Variants in LRRC20 observed in about 807,000 individuals in gnomAD.
LRRC20 encodes leucine rich repeat containing 20.
In LRRC20, 11 loss-of-function variants were observed where a neutral mutation model predicts 14.4. That is an observed-to-expected ratio of 0.77 (90% CI 0.48 to 1.27). The LOEUF is 1.27. LRRC20 is among the 50% of genes most tolerant of loss of function. The probability of loss-of-function intolerance (pLI) is 0.00; values close to 1 mark genes in which losing one functional copy is unlikely to be tolerated. For missense variants in LRRC20, 219 were observed against 251.2 expected (o/e 0.87, Z 0.87); for synonymous variants, 121 against 107.3 (o/e 1.13, Z -0.79).
At chr10:70,361,063 AAG>A (rs1194240488) in intron 2 of LRRC20, among the ~76,000 whole-genome samples, 102 of 151,356 alleles carry the variant, frequency 6.7e-4, no homozygotes, top group African/African-American at 2.2e-3. Context: ...AAAAAAAAAA[AAG>A]AGAGAGAGAG....
intron 3 of LRRC20, among the ~76,000 whole-genome samples, chr10:70,326,557 G>A (rs1842330975): frequency 6.6e-6 from 1 of 152,178 alleles, no homozygotes; most frequent in Non-Finnish European, 1.5e-5. Flanking sequence ...AGGGACGTCG[G>A]AACCCAAGGT....
At chr10:70,306,102 GTCTCTCTCTC>G (rs55733521) in intron 4 of LRRC20, among the ~76,000 whole-genome samples, 5 of 144,626 alleles carry the variant, frequency 3.5e-5, no homozygotes, top group Non-Finnish European at 7.5e-5. Flanking sequence ...TGCATTTTCT[GTCTCTCTCTC>G]TCTCTCTCTC....
At chr10:70,347,805 C>T (rs1307101415) in intron 2 of LRRC20, among the ~76,000 whole-genome samples, 3 of 139,754 alleles carry the variant, frequency 2.1e-5, no homozygotes, top group East Asian at 4.1e-4. Context: ...GGCAACAGAG[C>T]GAGACTCCGT....
intron 2 of LRRC20, among the ~76,000 whole-genome samples, chr10:70,345,487 A>C (rs894300546): frequency 4.6e-5 from 7 of 152,188 alleles, no homozygotes; most frequent in Non-Finnish European, 8.8e-5. Context: ...AAAATATAAA[A>C]CACTTAGAAG....
intron 3 of LRRC20, among the ~76,000 whole-genome samples, chr10:70,324,399 C>G (rs1249801298): frequency 6.6e-6 from 1 of 152,208 alleles, no homozygotes; most frequent in African/African-American, 2.4e-5. Flanking sequence ...GGCGGCCTCT[C>G]CCCCTCGGGG....
At chr10:70,380,898 G>T (rs917967717) in intron 1 of LRRC20, among the ~76,000 whole-genome samples, 2 of 152,242 alleles carry the variant, frequency 1.3e-5, no homozygotes, top group Non-Finnish European at 2.9e-5. Flanking sequence ...GGATGAGCCT[G>T]ATAGTAGTAA....
chr10:70,300,306 C>T lies in LRRC20; in HGVS notation c.*1048G>A. 2.1e-6 allele frequency: 2 copies of T among 950,970 alleles called. No homozygotes were observed. The highest frequency in any genetic ancestry group is 2.5e-6 in the Non-Finnish European group (2 of 798,498). 58.9% of individuals were successfully genotyped at this position (950,970 alleles called of 1,614,324 possible). On this transcript the variant is annotated 3_prime_UTR_variant, in exon 5 of 5. Coordinates refer to ENST00000446961, the MANE Select transcript of LRRC20 (RefSeq NM_001278212.2). ...GTCCCAGTTTTAGCATTGAAAGTTCCATGTCCTGGGAAACCAGGACAGCTG... is the reference window on the plus strand; with the variant it reads ...GTCCCAGTTTTAGCATTGAAAGTTCTATGTCCTGGGAAACCAGGACAGCTG...
intron 2 of LRRC20, 144 bp from the exon 3 acceptor site, chr10:70,340,846 C>A (rs1042266046): frequency 4.8e-5 from 37 of 771,568 alleles, no homozygotes; most frequent in Non-Finnish European, 7.2e-5. Flanking sequence ...GGCTTCAGAC[C>A]CTGCCCTCCC....
chr10:70,302,753 C>T (rs1841257686), intron 4 of LRRC20, among the ~76,000 whole-genome samples: 1 of 151,366 alleles, frequency 6.6e-6, no homozygotes, highest in African/African-American at 2.4e-5. Flanking sequence ...CTCTGTCGCC[C>T]AGGCTGGAGT....
intron 4 of LRRC20, among the ~76,000 whole-genome samples, chr10:70,319,038 C>G (rs1467818733): frequency 6.6e-6 from 1 of 151,986 alleles, no homozygotes; most frequent in Admixed American, 6.6e-5. Context: ...AACTCCTGGG[C>G]TCAAGCAATT....
rs191248179 is a variant in LRRC20, at chr10:70,309,639, C to A, written c.401-8131G>T. 2.3e-3 allele frequency among the ~76,000 whole-genome samples: 348 copies of A among 152,346 alleles called. 13 individuals are homozygous for A. In the South Asian group the frequency reaches 0.059, roughly 26 times the overall value. ...AATGGTGGCTCAGAGCTGCTGTCAC[C>A]CCTTCTCCCCATCCGCTACTGAAGA... On this transcript the variant is annotated intron_variant, in intron 4 of 4. Transcript: ENST00000446961.
rs1186113626 is a variant in LRRC20 at position 70,301,281 on chromosome 10, T to C, written c.*73A>G. ...CCCAGCCCCCAGGCTTGGCCTCCCA[T>C]GGGCCTCCCTCCCTTCCAGGGTTCC... On this transcript the variant is annotated 3_prime_UTR_variant, in exon 5 of 5. Coordinates refer to ENST00000446961, the MANE Select transcript of LRRC20 (RefSeq NM_001278212.2). The C allele has an allele frequency of 4.1e-6, 6 of 1,463,048 alleles. No homozygotes were observed. The highest frequency in any genetic ancestry group is 5.5e-6 in the Non-Finnish European group (6 of 1,099,048). The allele number at this position is 1,463,048 out of a possible 1,614,324, so 90.6% of individuals were successfully genotyped here.
intron 2 of LRRC20, among the ~76,000 whole-genome samples, chr10:70,372,242 G>A (rs1487994226): frequency 6.6e-6 from 1 of 152,146 alleles, no homozygotes; most frequent in Non-Finnish European, 1.5e-5. Flanking sequence ...AATTTTAAGA[G>A]TAATACGTTC....
intron 3 of LRRC20, among the ~76,000 whole-genome samples, chr10:70,332,789 A>G (rs1348547320): frequency 6.6e-6 from 1 of 152,250 alleles, no homozygotes; most frequent in African/African-American, 2.4e-5. Flanking sequence ...TTATATTTAC[A>G]TAGGCATGGA....
intron 2 of LRRC20, among the ~76,000 whole-genome samples, chr10:70,369,124 C>A (rs1176981080): frequency 1.3e-5 from 2 of 152,306 alleles, no homozygotes; most frequent in Non-Finnish European, 2.9e-5. Flanking sequence ...GGTAGATGTT[C>A]ACCTCTGCTT....
intron 3 of LRRC20, among the ~76,000 whole-genome samples, chr10:70,337,857 C>T (rs928146501): frequency 3.3e-5 from 5 of 152,164 alleles, no homozygotes; most frequent in African/African-American, 9.7e-5. Flanking sequence ...GTCTGGGAGA[C>T]GCAGGTGTTC....
intron 4 of LRRC20, among the ~76,000 whole-genome samples, chr10:70,303,023 A>C (rs1469717861): frequency 7.4e-6 from 1 of 135,264 alleles, no homozygotes; most frequent in Non-Finnish European, 1.7e-5. Flanking sequence ...TATTTCTTAA[A>C]AGAAAAAAAA....
intron 4 of LRRC20, among the ~76,000 whole-genome samples, chr10:70,304,498 ATATATATATT>A (rs1204750314): frequency 2.7e-4 from 30 of 110,566 alleles, no homozygotes; most frequent in African/African-American, 9.5e-4. Context: ...ATATATATAT[ATATATATATT>A]TTACTAAGCA....
intron 3 of LRRC20, among the ~76,000 whole-genome samples, chr10:70,327,612 C>T (rs1335159687): frequency 1.3e-5 from 2 of 152,042 alleles, no homozygotes; most frequent in South Asian, 2.1e-4. Flanking sequence ...TGATAACTAA[C>T]GCTTATTACT....
Sources: allele counts gnomAD v4.1 joint callset (sites outside exome capture counted in the v4.1 genomes callset), GRCh38; gene constraint gnomAD v4.1.1; transcripts MANE v1.5; gene names NCBI Gene and HGNC (gene_info 2026-07-23, HGNC 2026-07-21).